SYNE1: variants seen among roughly 807,000 people sequenced by gnomAD.
SYNE1 encodes spectrin repeat containing nuclear envelope protein 1.
SYNE1 carries 616 observed loss-of-function variants against 1,111.0 expected under a neutral mutation model. The ratio of observed to expected loss-of-function variants is 0.55; its 90% CI spans 0.52 to 0.59. The LOEUF (loss-of-function observed/expected upper bound fraction) is 0.59, where lower values mean the gene tolerates loss of function less well. SYNE1 is among the 20% of genes least tolerant of loss of function. The pLI, the probability that SYNE1 is intolerant of heterozygous loss-of-function variation, is 0.00. For missense variants in SYNE1, 10,006 were observed against 10,417.0 expected (o/e 0.96, Z 1.72); for synonymous variants, 3,855 against 3,825.8 (o/e 1.01, Z -0.28).
chr6:152,553,875 A>G (rs1483170863), intron 3 of SYNE1, among the ~76,000 whole-genome samples: 1 of 152,194 alleles, frequency 6.6e-6, no homozygotes, highest in Non-Finnish European at 1.5e-5. Context: ...ATTAGGACAC[A>G]GGGAGATGCT....
chr6:152,624,996 G>T (rs997153896), intron 3 of SYNE1, among the ~76,000 whole-genome samples: 2 of 151,274 alleles, frequency 1.3e-5, no homozygotes, highest in African/African-American at 4.9e-5. Flanking sequence ...CCAAAAATGG[G>T]GAAAAAAAAC....
At chr6:152,452,434 A>G (rs887740692) in intron 25 of SYNE1, among the ~76,000 whole-genome samples, 6 of 152,210 alleles carry the variant, frequency 3.9e-5, no homozygotes, top group African/African-American at 1.4e-4. Context: ...TTTTTAATGA[A>G]AAACTTGAAT....
At chr6:152,158,869 A>G (rs1474541093) in intron 131 of SYNE1, among the ~76,000 whole-genome samples, 2 of 152,238 alleles carry the variant, frequency 1.3e-5, no homozygotes, top group African/African-American at 4.8e-5. Flanking sequence ...GTTAAAATCA[A>G]TATATGAAAT....
At chr6:152,133,040 T>C (rs1038368102) in intron 143 of SYNE1, among the ~76,000 whole-genome samples, 6 of 152,104 alleles carry the variant, frequency 3.9e-5, no homozygotes, top group African/African-American at 1.4e-4. Flanking sequence ...GGTAATAGCA[T>C]TAGTAGCAAC....
intron 131 of SYNE1, among the ~76,000 whole-genome samples, chr6:152,160,872 T>C (rs963452043): frequency 6.6e-6 from 1 of 152,096 alleles, no homozygotes; most frequent in Non-Finnish European, 1.5e-5. Context: ...TTGCTTTGTT[T>C]TACATTTTCC....
chr6:152,255,495 T>A lies in SYNE1; in HGVS notation c.19260+96A>T, dbSNP rs567628657. Reference sequence around the variant, plus strand: ...GTTCTGCATTATTAGAATTGTTTTATGTTTGACTTTCTTTATGCATAAAAT... The same window carrying A: ...GTTCTGCATTATTAGAATTGTTTTAAGTTTGACTTTCTTTATGCATAAAAT... On this transcript the variant is annotated intron_variant, in intron 103 of 145. Transcript: ENST00000367255. 7 of 1,357,510 alleles carry A rather than the reference T, an allele frequency of 5.2e-6. No homozygotes were observed. In the South Asian group the frequency reaches 8.2e-5, roughly 16 times the overall value. 84.1% of individuals were successfully genotyped at this position (1,357,510 alleles called of 1,614,324 possible). A position where few individuals can be genotyped will look rare whatever the true frequency, so the allele number is the denominator to read the frequency against.
At chr6:152,604,990 AAGAAAGAAAGAAAGAAAG>A (rs1174234459) in intron 3 of SYNE1, among the ~76,000 whole-genome samples, 597 of 26,954 alleles carry the variant, frequency 0.022, 3 homozygotes, top group Non-Finnish European at 0.03. Flanking sequence ...GAAAGAAAGA[AAGAAAGAAAGAAAGAAAG>A]AGAGAGAGAG....
intron 3 of SYNE1, among the ~76,000 whole-genome samples, chr6:152,567,279 T>G (rs985244658): frequency 2.0e-5 from 3 of 152,218 alleles, no homozygotes; most frequent in African/African-American, 7.2e-5. Flanking sequence ...AATTTCTTCA[T>G]CCATTCATTT....
intron 59 of SYNE1, among the ~76,000 whole-genome samples, chr6:152,371,401 G>A (rs2097177499): frequency 6.6e-6 from 1 of 151,582 alleles, no homozygotes; most frequent in African/African-American, 2.4e-5. Flanking sequence ...TGCCATGATT[G>A]TAAATTTCCT....
chr6:152,432,618 C>G (rs1224933969), intron 34 of SYNE1, among the ~76,000 whole-genome samples: 5 of 151,678 alleles, frequency 3.3e-5, no homozygotes, highest in African/African-American at 1.2e-4. Flanking sequence ...ATTCCAGAAG[C>G]TCTGGAATAA....
intron 127 of SYNE1, among the ~76,000 whole-genome samples, chr6:152,193,028 A>T (rs934880396): frequency 1.3e-5 from 2 of 152,014 alleles, no homozygotes; most frequent in African/African-American, 4.8e-5. Context: ...TTAGTCACTC[A>T]ATGTCTTCTG....
Position 152,300,732 on chromosome 6 carries a change from G to A in SYNE1, c.17591C>T (p.Ser5864Phe). The A allele has an allele frequency of 1.2e-6, 2 of 1,614,186 alleles. No homozygotes were observed. Among genetic ancestry groups the A allele is most frequent in the Non-Finnish European group, 1.7e-6 (2 of 1,180,034 alleles). Residue 5864 changes from serine to phenylalanine, a missense_variant, in exon 93 of 146, where the codon TCT becomes TTT. By Grantham distance (155) the Ser-to-Phe change is radical. Transcript: ENST00000367255. ...HTLLSPVTEE[S>F]GEEGTNSEIS... ...CTCACTGTTGGTTCCCTCCTCCCCAGACTCCTCAGTGACCGGTGACAGCAA... is the reference window on the plus strand; with the variant it reads ...CTCACTGTTGGTTCCCTCCTCCCCAAACTCCTCAGTGACCGGTGACAGCAA...
intron 4 of SYNE1, among the ~76,000 whole-genome samples, chr6:152,538,672 T>C (rs2099255609): frequency 6.7e-6 from 1 of 149,282 alleles, no homozygotes. Context: ...GACAATTCCA[T>C]AGTACAAATA....
At chr6:152,481,126 T>G (rs536697402) in intron 14 of SYNE1, 31 of 219,754 alleles carry the variant, frequency 1.4e-4, no homozygotes, top group Non-Finnish European at 2.7e-4. Context: ...TTCTACAAAC[T>G]GTTATAATTA....
Position 152,330,422 on chromosome 6 carries a change from G to A in SYNE1, c.14263C>T (p.Leu4755Phe), listed in dbSNP as rs41301343. The A allele has an allele frequency of 1.2e-3, 1,958 of 1,614,124 alleles. 5 individuals carry two copies. The highest frequency in any genetic ancestry group is 1.5e-3 in the Non-Finnish European group (1,791 of 1,180,030). ...TTCAGCCTGTGATATAAGGTGACAA[G>A]GTGCAGCATCTTGTCTGGCTGCCAA... The part of the protein sequence containing the change: ...QPWQPDKMLH[L>F]VTLYHRLKRQ... The change falls in exon 78 of 146, where the codon CTT (leucine) becomes TTT (phenylalanine). Residue 4755 changes from leucine to phenylalanine, a missense_variant. Transcript: ENST00000367255.
At position 152,221,043 on chromosome 6, in the gene SYNE1, C is replaced by G; in HGVS notation, c.21660G>C (p.Trp7220Cys). The change falls in exon 119 of 146, where the codon TGG becomes TGC. Residue 7220 changes from tryptophan to cysteine, a missense_variant. Physicochemically the swap from Trp to Cys is radical, Grantham distance 215 (BLOSUM62 -2). This residue lies in a region of SYNE1 where 2,182 missense variants were observed against 2,287.8 expected (regional missense o/e 0.95). Transcript: ENST00000367255. ...CAGCAATCTCTTCCAGCAAGTTATTCCATCTGGAAATAATAACCAACACTC... is the reference window on the plus strand; with the variant it reads ...CAGCAATCTCTTCCAGCAAGTTATTGCATCTGGAAATAATAACCAACACTC... Reference protein sequence around the residue: ...TNTLKEVNMRWNNLLEEIAEQ... With the variant: ...TNTLKEVNMRCNNLLEEIAEQ... The G allele has an allele frequency of 1.2e-6, 2 of 1,614,018 alleles. No homozygotes were observed. Among genetic ancestry groups the G allele is most frequent in the Non-Finnish European group, 1.7e-6 (2 of 1,179,968 alleles).
Position 152,350,114 on chromosome 6 carries a change from G to A in SYNE1, c.11901+54C>T, listed in dbSNP as rs543375221. 128 of 1,607,652 alleles carry A rather than the reference G, an allele frequency of 8.0e-5. 1 individual carries two copies. The highest frequency in any genetic ancestry group is 3.9e-4 in the South Asian group (35 of 90,836). The stretch of plus-strand genomic sequence containing the variant: ...TGCACACACATGCACAGACACATGC[G>A]TACACACACTGGTGAAGCCATCCCA... On this transcript the variant is annotated intron_variant, in intron 72 of 145. Transcript: ENST00000367255.
At chr6:152,253,846 T>TG (rs2090127024) in intron 104 of SYNE1, among the ~76,000 whole-genome samples, 1 of 106,562 alleles carries the variant, frequency 9.4e-6, no homozygotes, top group African/African-American at 4.6e-5. Context: ...TTTTTTTTTT[T>TG]TTTTTTTTTT....
At chr6:152,518,173 A>G (rs1410092446) in intron 6 of SYNE1, among the ~76,000 whole-genome samples, 1 of 150,852 alleles carries the variant, frequency 6.6e-6, no homozygotes, top group African/African-American at 2.4e-5. Flanking sequence ...CCTGTTCTCT[A>G]GTTTGTAAAT....
Sources: gnomAD v4.1 joint callset for allele counts (sites outside exome capture counted in the v4.1 genomes callset) on GRCh38, gnomAD v4.1.1 for gene constraint, gnomAD v4.1.1 regional missense constraint, MANE v1.5 for transcripts, NCBI Gene and HGNC (gene_info 2026-07-23, HGNC 2026-07-21) for gene names.